IWS1: variants seen among roughly 807,000 people sequenced by gnomAD.
IWS1 encodes interacts with SUPT6H, CTD assembly factor 1.
A neutral mutation model predicts 86.7 loss-of-function variants in IWS1; 27 were observed. The observed-to-expected ratio is 0.31, with a 90% CI of 0.23 to 0.43. The LOEUF (loss-of-function observed/expected upper bound fraction) is 0.43. Ranked by LOEUF, IWS1 falls within the 20% of genes least tolerant of loss-of-function variation. The pLI is 1.00. For missense variants in IWS1, 827 were observed against 1,000.8 expected, an observed-to-expected ratio of 0.83 and a Z score of 2.34; for synonymous variants, 313 against 335.1, an observed-to-expected ratio of 0.93 and a Z score of 0.72.
At chr2:127,518,940 G>A (rs893571156) in intron 2 of IWS1, among the ~76,000 whole-genome samples, 1 of 152,156 alleles carries the variant, frequency 6.6e-6, no homozygotes. Flanking sequence ...TATTTAAAAT[G>A]TGAAGACAGG....
rs1214850439 is a variant in IWS1 at position 127,499,901 on chromosome 2, A to G, written c.1468-1664T>C. 1.3e-5 allele frequency among the ~76,000 whole-genome samples: 2 copies of G among 152,214 alleles called. No individual in the cohort carries two copies. The highest frequency in any genetic ancestry group is 2.9e-5 in the Non-Finnish European group (2 of 68,028). ...TCTTTTCAATAAATGGTGCTGGGTCAACTGGATACTTCAAATAAGGAAAAA... is the reference window on the plus strand; with the variant it reads ...TCTTTTCAATAAATGGTGCTGGGTCGACTGGATACTTCAAATAAGGAAAAA... On this transcript the variant is annotated intron_variant, in intron 5 of 13. Transcript: ENST00000295321. This position sits in a 1 kb window ranked among gnomAD's most constrained non-coding sequence, Gnocchi z 4.0.
chr2:127,503,008 ATATACACTCATGTAACCAGCACCC>A, intron 4 of IWS1, 136 bp from the exon 5 acceptor site: 2 of 596,224 alleles, frequency 3.4e-6, no homozygotes, highest in Non-Finnish European at 6.0e-6. Context: ...TTTAACAAAT[ATATACACTCATGTAACCAGCACCC>A]TATACACTCA....
At chr2:127,483,621 T>C (rs1308738643) in intron 13 of IWS1, among the ~76,000 whole-genome samples, 1 of 27,972 alleles carries the variant, frequency 3.6e-5, no homozygotes, top group South Asian at 1.6e-3. Context: ...TGTGTGTGTG[T>C]GTGCGTGTGC....
Position 127,526,434 on chromosome 2 carries a change from G to A in IWS1, c.-226C>T, listed in dbSNP as rs1265363558. On this transcript the variant is annotated 5_prime_UTR_variant, in exon 1 of 14. Coordinates refer to ENST00000295321, the MANE Select transcript of IWS1 (RefSeq NM_017969.3). The stretch of plus-strand genomic sequence containing the variant: ...ACCCGGCAGGCTGGCGGGCGGGCAG[G>A]CATGCGAGCCGGCGTTCTACTTCCT... 3.9e-6 allele frequency: 6 copies of A among 1,535,252 alleles called. No homozygotes were observed. Among genetic ancestry groups the A allele is most frequent in the African/African-American group, 1.4e-5 (1 of 73,082 alleles).
Position 127,526,275 on chromosome 2 carries a change from T to C in IWS1, c.-67A>G. ...GCCCCCGTCACCTCCTTCCAGGCGG[T>C]GTGACCCCGGATGGCGCGGCTAAGT... On this transcript the variant is annotated 5_prime_UTR_variant, in exon 1 of 14. Coordinates refer to ENST00000295321, the MANE Select transcript of IWS1 (RefSeq NM_017969.3). 1 of 1,546,740 alleles carries C rather than the reference T, an allele frequency of 6.5e-7. No homozygotes were observed. The highest frequency in any genetic ancestry group is 8.7e-7 in the Non-Finnish European group (1 of 1,147,230).
Position 127,505,564 on chromosome 2 carries a change from G to C in IWS1, c.339C>G (p.Val113=). The C allele has an allele frequency of 1.2e-6, 2 of 1,613,746 alleles. No individual in the cohort carries two copies. The highest frequency in any genetic ancestry group is 1.7e-6 in the Non-Finnish European group (2 of 1,179,882). ...TCTCAGAGTCGCTCCCATGCTGATT[G>C]ACATCCTCATTTTCAGAATCGCTTG... ...PPASDSENED[V]NQHGSDSESE... Residue 113 remains valine (V), a synonymous_variant, in exon 3 of 14, where the codon GTC becomes GTG. Coordinates refer to ENST00000295321, the MANE Select transcript of IWS1 (RefSeq NM_017969.3). The surrounding 1 kb of genome is among the most constrained non-coding windows in gnomAD (Gnocchi z 5.0).
At chr2:127,521,956 A>C (rs2104745466) in intron 2 of IWS1, among the ~76,000 whole-genome samples, 2 of 152,352 alleles carry the variant, frequency 1.3e-5, no homozygotes, top group East Asian at 3.8e-4. Flanking sequence ...GTTTCCAAAG[A>C]GGAAACTTAA....
intron 2 of IWS1, among the ~76,000 whole-genome samples, chr2:127,521,240 ACT>A (rs1395933246): frequency 1.6e-4 from 24 of 152,186 alleles, no homozygotes; most frequent in African/African-American, 5.6e-4. Context: ...ACAGAGTGAG[ACT>A]CTGTCTCAAA....
At chr2:127,491,873 T>A (rs962589008) in intron 10 of IWS1, 98 bp downstream of exon 10, 1 of 766,184 alleles carries the variant, frequency 1.3e-6, no homozygotes, top group Non-Finnish European at 2.3e-6. Flanking sequence ...ACCGACTCGT[T>A]TAAAACAAAT....
chr2:127,483,869 C>G (rs1334561898), intron 13 of IWS1, among the ~76,000 whole-genome samples: 3 of 151,992 alleles, frequency 2.0e-5, no homozygotes, highest in African/African-American at 7.3e-5. Context: ...TTTTAATTAA[C>G]GTTATCAGTA....
intron 2 of IWS1, among the ~76,000 whole-genome samples, chr2:127,512,552 T>C (rs572067351): frequency 6.6e-6 from 1 of 152,312 alleles, no homozygotes; most frequent in South Asian, 2.1e-4. Context: ...CTGAAATATA[T>C]CAAGTCCTTC....
intron 2 of IWS1, among the ~76,000 whole-genome samples, chr2:127,513,387 G>GT (rs1428914936): frequency 2.0e-5 from 3 of 152,198 alleles, no homozygotes; most frequent in African/African-American, 7.2e-5. Context: ...TTCAAAGAAA[G>GT]ATGTGTAAAA....
intron 2 of IWS1, among the ~76,000 whole-genome samples, chr2:127,521,117 T>G (rs999903515): frequency 6.6e-6 from 1 of 152,132 alleles, no homozygotes; most frequent in Non-Finnish European, 1.5e-5. Context: ...AAATTAGGCG[T>G]GGTAGCGCAC....
chr2:127,521,162 G>C (rs1692073345), intron 2 of IWS1, among the ~76,000 whole-genome samples: 1 of 152,216 alleles, frequency 6.6e-6, no homozygotes, highest in Non-Finnish European at 1.5e-5. Flanking sequence ...TGAGGCAGGA[G>C]AATTGCTTGA....
At chr2:127,502,767 CCAA>C in intron 5 of IWS1, 45 bp downstream of exon 5, 1 of 1,037,474 alleles carries the variant, frequency 9.6e-7, no homozygotes, top group South Asian at 1.3e-5. Context: ...CATAAAAACA[CCAA>C]AAAAAAGCAC....
At chr2:127,495,688 C>G (rs1468939156) in intron 7 of IWS1, among the ~76,000 whole-genome samples, 1 of 152,142 alleles carries the variant, frequency 6.6e-6, no homozygotes, top group Admixed American at 6.5e-5. Flanking sequence ...TTTGTAACAC[C>G]TTTTATATAT....
chr2:127,526,709 C>G (rs1692444312), upstream of IWS1: 4 of 1,303,134 alleles, frequency 3.1e-6, no homozygotes, highest in South Asian at 4.9e-5. Flanking sequence ...TTCCTAGATT[C>G]TGTGTCCGTG....
chr2:127,523,269 G>T (rs1573575170), intron 2 of IWS1, among the ~76,000 whole-genome samples: 1 of 152,096 alleles, frequency 6.6e-6, no homozygotes, highest in East Asian at 1.9e-4. Flanking sequence ...AAAATCAGAA[G>T]GGCAAATGCT....
At chr2:127,503,091 A>G (rs892877292) in intron 4 of IWS1, among the ~76,000 whole-genome samples, 1 of 152,272 alleles carries the variant, frequency 6.6e-6, no homozygotes, top group East Asian at 1.9e-4. Context: ...GCTGGTCCCC[A>G]ATATCAACAT....
Sources: allele counts gnomAD v4.1 joint callset (sites outside exome capture counted in the v4.1 genomes callset), GRCh38; gene constraint gnomAD v4.1.1; non-coding constraint Gnocchi (gnomAD v3.1); transcripts MANE v1.5; gene names NCBI Gene and HGNC (gene_info 2026-07-23, HGNC 2026-07-21).